TBXAS1: variants seen among roughly 807,000 people sequenced by gnomAD.
The protein encoded by TBXAS1 is thromboxane-A synthase.
TBXAS1 carries 48 observed loss-of-function variants against 60.7 expected under a neutral mutation model. The observed-to-expected ratio is 0.79, with a 90% CI of 0.63 to 1.01. The LOEUF (loss-of-function observed/expected upper bound fraction) is 1.01. Ranked by LOEUF, TBXAS1 falls within the 50% of genes least tolerant of loss-of-function variation. The pLI is 0.00. For missense variants in TBXAS1, 685 were observed against 686.3 expected, an observed-to-expected ratio of 1.00 and a Z score of 0.02; for synonymous variants, 287 against 269.7, an observed-to-expected ratio of 1.06 and a Z score of -0.63.
chr7:139,836,966 G>GA (rs1362930159), intron 1 of TBXAS1, among the ~76,000 whole-genome samples: 2 of 151,742 alleles, frequency 1.3e-5, no homozygotes, highest in African/African-American at 4.8e-5. Flanking sequence ...AAATCAGTAA[G>GA]AAAAAAACAA....
intron 9 of TBXAS1, 60 bp downstream of exon 9, chr7:139,962,293 T>C (rs1374158899): frequency 2.5e-6 from 4 of 1,597,402 alleles, no homozygotes; most frequent in African/African-American, 2.7e-5. Flanking sequence ...GATTTTGTGT[T>C]TGTGGGAGTG....
At position 139,813,190 on chromosome 7, in the gene TBXAS1, T is replaced by G. The variant is rs574440382; in HGVS notation, c.-79-16122T>G. On this transcript the variant is annotated intron_variant, in intron 4 of 16. Coordinates refer to the TBXAS1 transcript ENST00000336425. Reference sequence around the variant, plus strand: ...CTCAGTTCATCCTCTGAGGAGGCGCTCATTCCTGTTTGAGGATAAGAGTGG... The same window carrying G: ...CTCAGTTCATCCTCTGAGGAGGCGCGCATTCCTGTTTGAGGATAAGAGTGG... Among the ~76,000 whole-genome samples the G allele has an allele frequency of 4.1e-4, 63 of 152,342 alleles. 1 individual carries two copies. The highest frequency in any genetic ancestry group is 3.9e-3 in the South Asian group (19 of 4,828).
At chr7:139,968,161 T>C (rs910316082) in intron 9 of TBXAS1, among the ~76,000 whole-genome samples, 1 of 152,244 alleles carries the variant, frequency 6.6e-6, no homozygotes, top group Non-Finnish European at 1.5e-5. Flanking sequence ...ATCGGGGATC[T>C]GCCTCCGCAC....
chr7:139,993,080 C>T (rs1412052938), intron 9 of TBXAS1, among the ~76,000 whole-genome samples: 1 of 152,162 alleles, frequency 6.6e-6, no homozygotes, highest in East Asian at 1.9e-4. Context: ...ACCTGTAGTC[C>T]CAGCTACTTG....
intron 4 of TBXAS1, among the ~76,000 whole-genome samples, chr7:139,816,184 A>C (rs1478109465): frequency 6.6e-6 from 1 of 152,014 alleles, no homozygotes; most frequent in Non-Finnish European, 1.5e-5. Context: ...CATGATTGTA[A>C]GTTTCCTGAG....
chr7:139,815,683 A>G (rs1798128443), intron 4 of TBXAS1, among the ~76,000 whole-genome samples: 1 of 152,204 alleles, frequency 6.6e-6, no homozygotes, highest in Non-Finnish European at 1.5e-5. Context: ...TTGGGAGATA[A>G]GGCAGACATT....
In TBXAS1 at chr7:139,905,005, C is replaced by CTCTTTCTCTCTTTCTTTTTCTTTCTT. The variant is rs1554487120; in HGVS notation, c.237-6213_237-6212insCTCTTTCTTTTTCTTTCTTTCTTTCT. Among the ~76,000 whole-genome samples the CTCTTTCTCTCTTTCTTTTTCTTTCTT allele has an allele frequency of 7.7e-5, 7 of 90,482 alleles. No homozygotes were observed. The East Asian group carries it at 1.8e-3, about 24-fold the overall frequency. The allele number at this position is 90,482 out of a possible 152,430, so 59.4% of individuals were successfully genotyped here. On this transcript the variant is annotated intron_variant, in intron 3 of 12. Coordinates refer to ENST00000448866, the MANE Select transcript of TBXAS1 (RefSeq NM_001061.7). ...TCTCTTTCTCTCTTTCTCTCTTTCT[C>CTCTTTCTCTCTTTCTTTTTCTTTCTT]TCTTTCTTTCTTTCTTTCTTTCTTT... is the stretch of plus-strand genomic sequence containing the variant.
At position 139,994,642 on chromosome 7, in the gene TBXAS1, A is replaced by G. The variant is rs373050017; in HGVS notation, c.1135-12449A>G. On this transcript the variant is annotated intron_variant, in intron 9 of 12. Coordinates refer to ENST00000448866, the MANE Select transcript of TBXAS1 (RefSeq NM_001061.7). The stretch of plus-strand genomic sequence containing the variant: ...GAAAAAAAAAACTCCTGCTGCAATA[A>G]ATTACATCACAGTGGAGATCTCTTT... 3.3e-4 allele frequency among the ~76,000 whole-genome samples: 50 copies of G among 152,312 alleles called. 1 individual carries two copies. The South Asian group carries it at 0.01, about 32-fold the overall frequency.
rs1009235761 is a variant in TBXAS1, at chr7:139,964,127, C to T, written c.1134+1894C>T. On this transcript the variant is annotated intron_variant, in intron 9 of 12. Transcript: ENST00000448866. Reference sequence around the variant, plus strand: ...TGAGATGAAGTTTCACTCTTGTTGCCGAGGCTGGAGTGCAATGGCACAATC... The same window carrying T: ...TGAGATGAAGTTTCACTCTTGTTGCTGAGGCTGGAGTGCAATGGCACAATC... 3.3e-5 allele frequency among the ~76,000 whole-genome samples: 5 copies of T among 151,984 alleles called. No homozygotes were observed. The East Asian group carries it at 5.8e-4, about 18-fold the overall frequency.
chr7:139,959,823 C>T (rs1008220335), intron 8 of TBXAS1, among the ~76,000 whole-genome samples: 1 of 152,182 alleles, frequency 6.6e-6, no homozygotes, highest in Non-Finnish European at 1.5e-5. Context: ...ACTGAGAGGT[C>T]TGGGGGTGCT....
chr7:139,986,968 G>A (rs1812538358), intron 9 of TBXAS1, among the ~76,000 whole-genome samples: 1 of 152,020 alleles, frequency 6.6e-6, no homozygotes, highest in Non-Finnish European at 1.5e-5. Flanking sequence ...GTCAGGCCCT[G>A]GAAGAATCCC....
At chr7:139,923,973 T>TTTA (rs1274005633) in intron 4 of TBXAS1, among the ~76,000 whole-genome samples, 5 of 152,288 alleles carry the variant, frequency 3.3e-5, no homozygotes, top group South Asian at 2.1e-4. Context: ...ATGGCAGGCT[T>TTTA]TTATTCTTTT....
chr7:139,783,257 T>A lies in TBXAS1; in HGVS notation c.-169+528T>A, dbSNP rs150893425. Among the ~76,000 whole-genome samples the A allele has an allele frequency of 1.9e-4, 29 of 152,072 alleles. No individual in the cohort carries two copies. The East Asian group carries it at 5.2e-3, about 27-fold the overall frequency. On this transcript the variant is annotated intron_variant, in intron 3 of 16. Coordinates refer to the TBXAS1 transcript ENST00000336425. ...GGGAAACATCATTCATTTTTCTGCTTTTGCTCCTAGAAGAAAAATGATCAG... is the reference window on the plus strand; with the variant it reads ...GGGAAACATCATTCATTTTTCTGCTATTGCTCCTAGAAGAAAAATGATCAG...
intron 9 of TBXAS1, among the ~76,000 whole-genome samples, chr7:139,977,481 A>G (rs1204761526): frequency 6.6e-6 from 1 of 152,178 alleles, no homozygotes; most frequent in Non-Finnish European, 1.5e-5. Context: ...GTGGGAGTTA[A>G]AATTCAAGAC....
At chr7:139,830,282 T>C (rs1798620843) in intron 1 of TBXAS1, among the ~76,000 whole-genome samples, 1 of 152,088 alleles carries the variant, frequency 6.6e-6, no homozygotes, top group African/African-American at 2.4e-5. Flanking sequence ...GTGGAAAAAA[T>C]AATGGAGGAC....
intron 4 of TBXAS1, chr7:139,797,330 G>A (rs1282257116): frequency 6.6e-6 from 1 of 152,196 alleles, no homozygotes; most frequent in Non-Finnish European, 1.5e-5. Context: ...AAAGAACACA[G>A]TTGGGTGGCT....
chr7:139,969,880 C>A (rs1034037720), intron 9 of TBXAS1, among the ~76,000 whole-genome samples: 36 of 152,162 alleles, frequency 2.4e-4, no homozygotes, highest in Admixed American at 2.4e-3. Context: ...GCCACAGGGA[C>A]AAGGGAAGAG....
At position 140,020,213 on chromosome 7, in the gene TBXAS1, A is replaced by G; in HGVS notation, c.*114A>G. On this transcript the variant is annotated 3_prime_UTR_variant, in exon 13 of 13. Transcript: ENST00000448866. Reference sequence around the variant, plus strand: ...TGAAGTGATTGAAAGAGTGCCTGGCATGCAAGGATAAGAGGTTCTTTACAT... The same window carrying G: ...TGAAGTGATTGAAAGAGTGCCTGGCGTGCAAGGATAAGAGGTTCTTTACAT... 9.9e-7 allele frequency: 1 copy of G among 1,007,666 alleles called. No individual in the cohort carries two copies. The highest frequency in any genetic ancestry group is 1.6e-6 in the Non-Finnish European group (1 of 643,438). 62.4% of individuals were successfully genotyped at this position (1,007,666 alleles called of 1,614,324 possible). A position where few individuals can be genotyped will look rare whatever the true frequency, so the allele number is the denominator to read the frequency against.
intron 9 of TBXAS1, among the ~76,000 whole-genome samples, chr7:139,997,633 G>A (rs765392588): frequency 6.6e-6 from 1 of 151,938 alleles, no homozygotes; most frequent in Non-Finnish European, 1.5e-5. Flanking sequence ...CTTTCTCTCA[G>A]TCCTTTCCTG....
Sources: allele counts gnomAD v4.1 joint callset (sites outside exome capture counted in the v4.1 genomes callset), GRCh38; gene constraint gnomAD v4.1.1; transcripts MANE v1.5; gene names NCBI Gene and HGNC (gene_info 2026-07-23, HGNC 2026-07-21).